The following SRPRB variants were observed in gnomAD, a reference collection of about 807,000 sequenced individuals.
The protein encoded by SRPRB is SRP receptor subunit beta.
A neutral mutation model predicts 31.9 loss-of-function variants in SRPRB; 20 were observed. The observed-to-expected ratio is 0.63, with a 90% CI of 0.44 to 0.91. The LOEUF is 0.91. SRPRB is among the 40% of genes least tolerant of loss of function. The pLI, the probability that SRPRB is intolerant of heterozygous loss-of-function variation, is 0.00. For missense variants in SRPRB, 321 were observed against 324.9 expected (o/e 0.99, Z 0.09); for synonymous variants, 146 against 132.8 (o/e 1.10, Z -0.68).
At chr3:133,804,530 G>A (rs1377899972), upstream of SRPRB, among the ~76,000 whole-genome samples, 1 of 152,132 alleles carries the variant, frequency 6.6e-6, no homozygotes, top group African/African-American at 2.4e-5. Context: ...AAATGGCAAG[G>A]ATGGCATCAG....
At chr3:133,823,495 T>C (rs1330201533), downstream of SRPRB, among the ~76,000 whole-genome samples, 1 of 152,198 alleles carries the variant, frequency 6.6e-6, no homozygotes, top group African/African-American at 2.4e-5. Context: ...TCAATGTCTC[T>C]TCTAATCAAA....
Position 133,820,814 on chromosome 3 carries a change from GT to G in SRPRB, c.*1049del, listed in dbSNP as rs1348359966. The G allele has an allele frequency of 6.6e-6, 1 of 152,202 alleles. No individual in the cohort carries two copies. The highest frequency in any genetic ancestry group is 1.5e-5 in the Non-Finnish European group (1 of 68,038). The allele number at this position is 152,202 out of a possible 1,614,324, so 9.4% of individuals were successfully genotyped here. ...ATGGTGAGTACAAATGAGTGCACAT[GT>G]CAGGACTCAGGTCTAACTCCTTGTC... On this transcript the variant is annotated 3_prime_UTR_variant, in exon 7 of 7. Coordinates refer to ENST00000678299, the MANE Select transcript of SRPRB (RefSeq NM_001379313.1).
intron 3 of SRPRB, 118 bp from the exon 4 acceptor site, chr3:133,810,999 T>C: frequency 1.1e-6 from 1 of 928,022 alleles, no homozygotes; most frequent in Non-Finnish European, 1.6e-6. Context: ...GAAGATGCTT[T>C]GTGAACATTT....
At chr3:133,821,740 T>C (rs1935478954), downstream of SRPRB, among the ~76,000 whole-genome samples, 1 of 152,234 alleles carries the variant, frequency 6.6e-6, no homozygotes, top group African/African-American at 2.4e-5. Flanking sequence ...TTTGATTCAA[T>C]AGCAAGTCTG....
chr3:133,786,230 A>AAAC (rs1559883674), intron 1 of SRPRB: 1 of 77,142 alleles, frequency 1.3e-5, no homozygotes, highest in African/African-American at 3.5e-5. Flanking sequence ...ATTAAAAAAA[A>AAAC]AAAAAAAAAA....
upstream of SRPRB, among the ~76,000 whole-genome samples, chr3:133,804,124 GA>G (rs1935108105): frequency 7.3e-6 from 1 of 137,784 alleles, no homozygotes; most frequent in Non-Finnish European, 1.6e-5. Flanking sequence ...AAAGAAAAAA[GA>G]AAATGTTTTT....
At chr3:133,799,474 G>A (rs914189178) in intron 1 of SRPRB, among the ~76,000 whole-genome samples, 13 of 152,118 alleles carry the variant, frequency 8.5e-5, no homozygotes, top group African/African-American at 2.9e-4. Flanking sequence ...ATATGCTTGC[G>A]TGTGTGTGAA....
At chr3:133,811,580 G>GTTT in intron 4 of SRPRB, among the ~76,000 whole-genome samples, 1 of 129,182 alleles carries the variant, frequency 7.7e-6, no homozygotes, top group South Asian at 2.4e-4. Flanking sequence ...TATATATAGT[G>GTTT]TTTTTTTGTT....
At chr3:133,812,166 C>T (rs1465696312) in intron 4 of SRPRB, among the ~76,000 whole-genome samples, 1 of 152,170 alleles carries the variant, frequency 6.6e-6, no homozygotes, top group Non-Finnish European at 1.5e-5. Context: ...GCAGTATTTT[C>T]TCTTAGCGGT....
chr3:133,816,813 TA>T, intron 5 of SRPRB, 64 bp from the exon 6 acceptor site: 1 of 1,329,934 alleles, frequency 7.5e-7, no homozygotes, highest in Non-Finnish European at 1.0e-6. Flanking sequence ...TCCTTCTGTG[TA>T]AGAAGTCTTG....
intron 1 of SRPRB, among the ~76,000 whole-genome samples, chr3:133,797,759 T>C (rs1471451666): frequency 1.3e-5 from 2 of 152,232 alleles, no homozygotes; most frequent in Non-Finnish European, 2.9e-5. Flanking sequence ...TTTTAAAGAA[T>C]AAACAAGTCT....
chr3:133,806,728 GTTAAGC>G (rs1559890211), intron 2 of SRPRB, 25 bp downstream of exon 2: 1 of 1,573,774 alleles, frequency 6.4e-7, no homozygotes, highest in South Asian at 1.1e-5. Context: ...TGACACCCCT[GTTAAGC>G]TTAATAGAAA....
At chr3:133,812,914 C>T (rs1449570147) in intron 4 of SRPRB, among the ~76,000 whole-genome samples, 2 of 152,074 alleles carry the variant, frequency 1.3e-5, no homozygotes, top group African/African-American at 4.8e-5. Flanking sequence ...TTACTTCTTC[C>T]CTTTAGATTC....
intron 6 of SRPRB, 95 bp from the exon 7 acceptor site, chr3:133,819,458 A>T: frequency 9.2e-7 from 1 of 1,086,504 alleles, no homozygotes; most frequent in Non-Finnish European, 1.3e-6. Flanking sequence ...TTCTATAGTT[A>T]AGTTTTAAAT....
At chr3:133,789,888 T>A (rs1245303817) in intron 1 of SRPRB, 9 of 43,002 alleles carry the variant, frequency 2.1e-4, no homozygotes, top group Middle Eastern at 0.01. Context: ...CGTTTTTTTT[T>A]TTTTTTTTTT....
At chr3:133,811,239 T>G (rs371958256) in intron 4 of SRPRB, 40 bp downstream of exon 4, 101 of 1,591,560 alleles carry the variant, frequency 6.3e-5, no homozygotes, top group Admixed American at 1.7e-5. Context: ...TCTAGGTCTG[T>G]ATCTGTATAT....
intron 5 of SRPRB, among the ~76,000 whole-genome samples, chr3:133,816,594 T>C (rs942251556): frequency 3.3e-5 from 5 of 152,212 alleles, no homozygotes; most frequent in African/African-American, 4.8e-5. Flanking sequence ...AGTAAACTTA[T>C]ATGTTTTGAA....
intron 1 of SRPRB, among the ~76,000 whole-genome samples, chr3:133,797,561 G>A (rs1286148819): frequency 6.6e-6 from 1 of 152,162 alleles, no homozygotes; most frequent in Non-Finnish European, 1.5e-5. Flanking sequence ...TTTGTGGTTG[G>A]TGTTATTTCC....
upstream of SRPRB, among the ~76,000 whole-genome samples, chr3:133,801,995 C>T (rs562540170): frequency 1.2e-4 from 18 of 152,164 alleles, no homozygotes; most frequent in Non-Finnish European, 2.4e-4. Context: ...AGCCCAATTG[C>T]CTGGGATGAA....
Sources: allele counts gnomAD v4.1 joint callset (sites outside exome capture counted in the v4.1 genomes callset), GRCh38; gene constraint gnomAD v4.1.1; transcripts MANE v1.5; gene names NCBI Gene and HGNC (gene_info 2026-07-23, HGNC 2026-07-21).